NIPBL: variants seen among roughly 807,000 people sequenced by gnomAD.
The protein encoded by NIPBL is nipped-B-like protein.
NIPBL carries 19 observed loss-of-function variants against 321.8 expected under a neutral mutation model. That is an observed-to-expected ratio of 0.06 (90% CI 0.04 to 0.09). The LOEUF (loss-of-function observed/expected upper bound fraction) is 0.09, where lower values mean the gene tolerates loss of function less well. Among genes scored for constraint, NIPBL ranks in the 10% least tolerant of loss-of-function variants. The pLI, the probability that NIPBL is intolerant of heterozygous loss-of-function variation, is 1.00. For missense variants in NIPBL, 2,210 were observed against 3,327.0 expected, an observed-to-expected ratio of 0.66 and a Z score of 8.26; for synonymous variants, 1,106 against 1,114.1, an observed-to-expected ratio of 0.99 and a Z score of 0.14.
intron 42 of NIPBL, among the ~76,000 whole-genome samples, 159 bp from the exon 43 acceptor site, chr5:37,057,027 G>C (rs964148008): frequency 6.8e-6 from 1 of 147,862 alleles, no homozygotes; most frequent in Non-Finnish European, 1.5e-5. Context: ...CTCTCCCTCT[G>C]TCTCTCTGTG....
At chr5:36,961,296 A>C (rs970522286) in intron 4 of NIPBL, among the ~76,000 whole-genome samples, 188 bp from the exon 5 acceptor site, 15 of 152,180 alleles carry the variant, frequency 9.9e-5, no homozygotes, top group African/African-American at 3.6e-4. Context: ...AGTTTTATGG[A>C]AAATGGTGTT....
intron 20 of NIPBL, 95 bp from the exon 21 acceptor site, chr5:37,009,992 T>C (rs1747914925): frequency 3.1e-6 from 3 of 959,934 alleles, no homozygotes; most frequent in South Asian, 2.7e-5. Context: ...CCTAGAAATA[T>C]TGGCAAACAC....
chr5:36,923,293 G>A (rs1403632645), intron 1 of NIPBL, among the ~76,000 whole-genome samples: 3 of 151,992 alleles, frequency 2.0e-5, no homozygotes, highest in African/African-American at 4.8e-5. Flanking sequence ...ATGACAGAGC[G>A]AGACTCCATC....
intron 1 of NIPBL, among the ~76,000 whole-genome samples, chr5:36,925,147 A>G (rs1308769777): frequency 1.3e-5 from 2 of 152,198 alleles, no homozygotes; most frequent in Non-Finnish European, 2.9e-5. Flanking sequence ...AGGTACTCAA[A>G]TAAGTGATGC....
rs755707613 is a variant in NIPBL at position 37,052,579 on chromosome 5, A to G, written c.7263+13A>G. On this transcript the variant is annotated intron_variant, in intron 42 of 46. Coordinates refer to ENST00000282516, the MANE Select transcript of NIPBL (RefSeq NM_133433.4). ...TGATGACACAGCAGTAAGCACAAAAACTTATTATTTTAAGAAAATAAGTGC... is the reference window on the plus strand; with the variant it reads ...TGATGACACAGCAGTAAGCACAAAAGCTTATTATTTTAAGAAAATAAGTGC... The G allele has an allele frequency of 1.0e-5, 16 of 1,607,878 alleles. No homozygotes were observed. The highest frequency in any genetic ancestry group is 1.7e-5 in the Admixed American group (1 of 59,948).
chr5:36,960,529 G>T (rs1327421221), intron 4 of NIPBL, among the ~76,000 whole-genome samples: 1 of 152,168 alleles, frequency 6.6e-6, no homozygotes, highest in Non-Finnish European at 1.5e-5. Flanking sequence ...GGTAGACTTA[G>T]AGGCGATTTT....
chr5:36,899,161 G>A (rs1473089065), intron 1 of NIPBL, among the ~76,000 whole-genome samples: 1 of 151,982 alleles, frequency 6.6e-6, no homozygotes, highest in Non-Finnish European at 1.5e-5. Context: ...CCAGTTTTGG[G>A]TCCAGAAGCA....
chr5:36,996,054 G>C lies in NIPBL; in HGVS notation c.3304+250G>C, dbSNP rs894911990. Among the ~76,000 whole-genome samples the C allele has an allele frequency of 4.6e-5, 7 of 152,176 alleles. No homozygotes were observed. Among genetic ancestry groups the C allele is most frequent in the African/African-American group, 1.7e-4 (7 of 41,442 alleles). ...GTAGGTATGTGTCTGTATGCATTCA[G>C]CAAACATTTATTGAGCTCCTATTAT... On this transcript the variant is annotated intron_variant, in intron 11 of 46. Coordinates refer to ENST00000282516, the MANE Select transcript of NIPBL (RefSeq NM_133433.4). This position sits in a 1 kb window ranked among gnomAD's most constrained non-coding sequence, Gnocchi z 5.0.
At chr5:37,018,510 C>G (rs946806301) in intron 24 of NIPBL, among the ~76,000 whole-genome samples, 4 of 152,170 alleles carry the variant, frequency 2.6e-5, no homozygotes, top group Non-Finnish European at 5.9e-5. Context: ...TTCCCTACCC[C>G]TGCCCTGGGA....
At chr5:36,982,658 A>G (rs1744277209) in intron 9 of NIPBL, among the ~76,000 whole-genome samples, 1 of 151,846 alleles carries the variant, frequency 6.6e-6, no homozygotes, top group Admixed American at 6.6e-5. Flanking sequence ...TTTCTTTGAA[A>G]TTAACTTACT....
chr5:37,028,333 CTTTTTTTTTTT>C (rs10676635), intron 32 of NIPBL, among the ~76,000 whole-genome samples: 1 of 102,556 alleles, frequency 9.8e-6, no homozygotes, highest in Admixed American at 1.2e-4. Flanking sequence ...TTCCATAATA[CTTTTTTTTTTT>C]TTTTTTTTTT....
intron 1 of NIPBL, among the ~76,000 whole-genome samples, chr5:36,906,423 C>T (rs1747642541): frequency 6.6e-6 from 1 of 152,136 alleles, no homozygotes; most frequent in Admixed American, 6.5e-5. Flanking sequence ...GCTGGGGTTA[C>T]ATAATTTATC....
At chr5:36,895,992 T>C (rs1746702420) in intron 1 of NIPBL, among the ~76,000 whole-genome samples, 1 of 152,244 alleles carries the variant, frequency 6.6e-6, no homozygotes, top group African/African-American at 2.4e-5. Context: ...TGGTTGCTTA[T>C]GCTTTGGGTG....
At chr5:36,948,563 A>G (rs1251110025) in intron 1 of NIPBL, among the ~76,000 whole-genome samples, 1 of 151,886 alleles carries the variant, frequency 6.6e-6, no homozygotes, top group Non-Finnish European at 1.5e-5. Flanking sequence ...TATTTAGCTC[A>G]TTTTTAGTGT....
chr5:37,046,462 A>AC (rs1287105373), intron 38 of NIPBL, among the ~76,000 whole-genome samples: 2 of 152,166 alleles, frequency 1.3e-5, no homozygotes, highest in South Asian at 4.1e-4. Flanking sequence ...ACTTTCTTCT[A>AC]CCCCTCCTCC....
intron 1 of NIPBL, among the ~76,000 whole-genome samples, chr5:36,943,004 A>C (rs548616763): frequency 6.6e-6 from 1 of 152,046 alleles, no homozygotes; most frequent in African/African-American, 2.4e-5. Flanking sequence ...TTAAAAAAAA[A>C]CCCTTCTATT....
rs546289602 is a variant in NIPBL at position 37,010,636 on chromosome 5, G to A, written c.4560+411G>A. Among the ~76,000 whole-genome samples, 12 of 152,236 alleles carry A rather than the reference G, an allele frequency of 7.9e-5. No individual in the cohort carries two copies. In the South Asian group the frequency reaches 2.3e-3, roughly 29 times the overall value. ...TGATGTTCTTAATTAGAGGTTCATG[G>A]CTGGGCTTTAAGGTCCTTTTAGAGC... On this transcript the variant is annotated intron_variant, in intron 21 of 46. Transcript: ENST00000282516.
chr5:37,029,166 A>G (rs1424081154), intron 32 of NIPBL, among the ~76,000 whole-genome samples: 1 of 152,212 alleles, frequency 6.6e-6, no homozygotes, highest in Non-Finnish European at 1.5e-5. Flanking sequence ...AATTTAAGTG[A>G]TGATATACAG....
intron 1 of NIPBL, among the ~76,000 whole-genome samples, chr5:36,904,405 G>T (rs1052584521): frequency 6.6e-6 from 1 of 152,182 alleles, no homozygotes; most frequent in Non-Finnish European, 1.5e-5. Context: ...GGAGGCGGAG[G>T]TTGCAGTGAG....
Sources: allele counts gnomAD v4.1 joint callset (sites outside exome capture counted in the v4.1 genomes callset), GRCh38; gene constraint gnomAD v4.1.1; non-coding constraint Gnocchi (gnomAD v3.1); transcripts MANE v1.5; gene names NCBI Gene and HGNC (gene_info 2026-07-23, HGNC 2026-07-21).